Variants in DDX17 observed in about 807,000 individuals in gnomAD.
DDX17 encodes the protein DEAD-box helicase 17, also known as probable ATP-dependent RNA helicase DDX17.
Under a neutral mutation model 80.8 loss-of-function variants are expected in DDX17, and 10 were observed. The observed-to-expected ratio is 0.12, with a 90% confidence interval of 0.08 to 0.21. The LOEUF (loss-of-function observed/expected upper bound fraction) is 0.21. Ranked by LOEUF, DDX17 falls within the 10% of genes least tolerant of loss-of-function variation. The pLI is 1.00. For missense variants in DDX17, 586 were observed against 957.4 expected (o/e 0.61, Z 5.12); for synonymous variants, 339 against 336.2 (o/e 1.01, Z -0.09).
intron 1 of DDX17, 149 bp from the exon 2 acceptor site, chr22:38,501,429 G>A: frequency 3.0e-6 from 3 of 988,826 alleles, no homozygotes; most frequent in Admixed American, 3.5e-5. Flanking sequence ...TTAAAGGTAT[G>A]GAGAAATGTG....
chr22:38,487,146 C>T (rs980975926), intron 12 of DDX17, among the ~76,000 whole-genome samples: 3 of 152,098 alleles, frequency 2.0e-5, no homozygotes, highest in African/African-American at 7.2e-5. Flanking sequence ...CCAGTCTGGG[C>T]AACAGAGTGA....
intron 11 of DDX17, chr22:38,491,828 G>A (rs528976003): frequency 2.3e-6 from 1 of 433,704 alleles, no homozygotes; most frequent in Admixed American, 5.0e-5. Context: ...TTTGTTAGGA[G>A]CAGGAAGAGA....
At chr22:38,504,765 T>C (rs1040102411) in intron 1 of DDX17, among the ~76,000 whole-genome samples, 1 of 152,182 alleles carries the variant, frequency 6.6e-6, no homozygotes, top group Non-Finnish European at 1.5e-5. Context: ...AGTGAGACTA[T>C]TACATCCATT....
In DDX17 at chr22:38,486,403, G is replaced by A. The variant is rs1388393808; in HGVS notation, c.1722C>T (p.Asn574=). The A allele has an allele frequency of 6.2e-7, 1 of 1,612,424 alleles. No homozygotes were observed. Among genetic ancestry groups the A allele is most frequent in the Admixed American group, 1.7e-5 (1 of 59,666 alleles). The change falls in exon 13 of 13, where the codon AAC becomes AAT. Residue 574 remains asparagine, a synonymous_variant. Coordinates refer to ENST00000403230, the MANE Select transcript of DDX17 (RefSeq NM_006386.5). ...CATCCTGATACATCAGATTGGGATT[G>A]TTGGCTGAAGAAGTGGTCCGGTAAC...
chr22:38,490,321 C>T, intron 11 of DDX17: 1 of 1,287,142 alleles, frequency 7.8e-7, no homozygotes, highest in Non-Finnish European at 1.0e-6. Context: ...CCTGAATCGC[C>T]AATCACTAAT....
chr22:38,485,776 T>C lies in DDX17; in HGVS notation c.*159A>G. The C allele has an allele frequency of 7.3e-6, 8 of 1,098,686 alleles. No individual in the cohort carries two copies. The highest frequency in any genetic ancestry group is 9.6e-6 in the Non-Finnish European group (8 of 831,998). 68.1% of individuals were successfully genotyped at this position (1,098,686 alleles called of 1,614,324 possible). On this transcript the variant is annotated 3_prime_UTR_variant, in exon 13 of 13. Transcript: ENST00000403230. Reference sequence around the variant, plus strand: ...AAACCTGGCAGTGAATTCTAACTAATCTGCATGAAAAGACAAATCACGATG... The same window carrying C: ...AAACCTGGCAGTGAATTCTAACTAACCTGCATGAAAAGACAAATCACGATG...
intron 12 of DDX17, 90 bp downstream of exon 12, chr22:38,487,789 C>A: frequency 7.5e-7 from 1 of 1,337,078 alleles, no homozygotes; most frequent in Admixed American, 1.7e-5. Context: ...ATACTTACAG[C>A]CTTCTTAAAA....
chr22:38,484,893 T>C lies in DDX17; in HGVS notation c.*1042A>G, dbSNP rs2089639350. The C allele has an allele frequency of 6.6e-6, 1 of 152,244 alleles. No individual in the cohort carries two copies. Among genetic ancestry groups the C allele is most frequent in the Non-Finnish European group, 1.5e-5 (1 of 68,052 alleles). 9.4% of individuals were successfully genotyped at this position (152,244 alleles called of 1,614,324 possible). Reference sequence around the variant, plus strand: ...AAGAGTTCTTAATAAACCCTTAAGATTCTTTGTTCAAGGTAACTTTGCCAA... The same window carrying C: ...AAGAGTTCTTAATAAACCCTTAAGACTCTTTGTTCAAGGTAACTTTGCCAA... On this transcript the variant is annotated 3_prime_UTR_variant, in exon 13 of 13. Transcript: ENST00000403230.
In DDX17 at chr22:38,484,030, G is replaced by A. The variant is rs1017532524; in HGVS notation, c.*1905C>T. ...TCAAACAGATGCTTTCAAGAGCTGC[G>A]AGAGAGTAGGGCATCCCTTGTGGTG... On this transcript the variant is annotated 3_prime_UTR_variant, in exon 13 of 13. Coordinates refer to ENST00000403230, the MANE Select transcript of DDX17 (RefSeq NM_006386.5). 2.0e-5 allele frequency: 3 copies of A among 152,670 alleles called. No homozygotes were observed. Among genetic ancestry groups the A allele is most frequent in the East Asian group, 1.9e-4 (1 of 5,174 alleles). The allele number at this position is 152,670 out of a possible 1,614,324, so 9.5% of individuals were successfully genotyped here. A position where few individuals can be genotyped will look rare whatever the true frequency, so the allele number is the denominator to read the frequency against.
intron 2 of DDX17, 105 bp downstream of exon 2, chr22:38,501,025 A>G: frequency 4.3e-6 from 6 of 1,403,498 alleles, no homozygotes; most frequent in Middle Eastern, 2.3e-4. Context: ...ATATCACCAC[A>G]CTAGAATAAA....
At chr22:38,488,766 T>A (rs1199494983) in intron 11 of DDX17, 6 of 985,634 alleles carry the variant, frequency 6.1e-6, no homozygotes, top group East Asian at 1.1e-4. Context: ...AGATTATCTA[T>A]CCCCTTTCAA....
chr22:38,495,775 T>C lies in DDX17; in HGVS notation c.880+21A>G, dbSNP rs748947959. The C allele has an allele frequency of 2.2e-5, 33 of 1,508,694 alleles. No homozygotes were observed. In the Admixed American group the frequency reaches 4.9e-4, roughly 22 times the overall value. 93.5% of individuals were successfully genotyped at this position (1,508,694 alleles called of 1,614,324 possible). On this transcript the variant is annotated intron_variant, in intron 6 of 12. Transcript: ENST00000403230. ...GTAAAGTAAGATAAACTAACAATTC[T>C]TTTACACTATATATTATTACCTCTT...
At chr22:38,502,136 G>A (rs1200257632) in intron 1 of DDX17, among the ~76,000 whole-genome samples, 1 of 152,210 alleles carries the variant, frequency 6.6e-6, no homozygotes, top group Non-Finnish European at 1.5e-5. Flanking sequence ...GCCTGCCGGG[G>A]GCAGTGGCTC....
rs573932893 is a variant in DDX17, at chr22:38,485,799, A to T, written c.*136T>A. Reference sequence around the variant, plus strand: ...AATCTGCATGAAAAGACAAATCACGATGGTTGGGGGGAAAAATTAAAAAAA... The same window carrying T: ...AATCTGCATGAAAAGACAAATCACGTTGGTTGGGGGGAAAAATTAAAAAAA... On this transcript the variant is annotated 3_prime_UTR_variant, in exon 13 of 13. Coordinates refer to ENST00000403230, the MANE Select transcript of DDX17 (RefSeq NM_006386.5). 7.7e-4 allele frequency: 983 copies of T among 1,280,604 alleles called. 1 individual carries two copies. The highest frequency in any genetic ancestry group is 9.0e-4 in the Non-Finnish European group (890 of 986,790). 79.3% of individuals were successfully genotyped at this position (1,280,604 alleles called of 1,614,324 possible).
intron 4 of DDX17, 118 bp downstream of exon 4, chr22:38,498,322 A>C: frequency 6.9e-7 from 1 of 1,455,696 alleles, no homozygotes; most frequent in Non-Finnish European, 9.3e-7. Flanking sequence ...ATATTTAATA[A>C]CTAAAATAGT....
chr22:38,497,945 C>A, intron 5 of DDX17, 140 bp downstream of exon 5: 1 of 731,874 alleles, frequency 1.4e-6, no homozygotes. Context: ...CATTTAATTC[C>A]AAGTAAGATG....
intron 11 of DDX17, chr22:38,491,293 C>T (rs2145691800): frequency 1.3e-5 from 2 of 152,228 alleles, no homozygotes; most frequent in South Asian, 4.2e-4. Flanking sequence ...AAATTAAATA[C>T]CTGTCAATAA....
intron 5 of DDX17, among the ~76,000 whole-genome samples, chr22:38,496,339 T>A (rs2089766943): frequency 6.6e-6 from 1 of 152,310 alleles, no homozygotes; most frequent in Admixed American, 6.5e-5. Context: ...ATATTGGTCC[T>A]CAAAATTTGG....
At chr22:38,498,878 G>T (rs2089797168) in intron 3 of DDX17, among the ~76,000 whole-genome samples, 1 of 152,176 alleles carries the variant, frequency 6.6e-6, no homozygotes, top group Admixed American at 6.5e-5. Context: ...TAGCCAGAGT[G>T]GTGGTGGGCC....
Sources: allele counts gnomAD v4.1 joint callset (sites outside exome capture counted in the v4.1 genomes callset), GRCh38; gene constraint gnomAD v4.1.1; transcripts MANE v1.5; gene names NCBI Gene and HGNC (gene_info 2026-07-23, HGNC 2026-07-21).